KIF22: variants seen among roughly 807,000 people sequenced by gnomAD.
The protein encoded by KIF22 is kinesin-like protein KIF22.
KIF22 carries 62 observed loss-of-function variants against 73.0 expected under a neutral mutation model. The ratio of observed to expected loss-of-function variants is 0.85; its 90% CI spans 0.69 to 1.05. The LOEUF (loss-of-function observed/expected upper bound fraction) is 1.05. Ranked by LOEUF, KIF22 falls within the 50% of genes least tolerant of loss-of-function variation. KIF22 has a pLI of 0.00. For missense variants in KIF22, 854 were observed against 870.1 expected, an observed-to-expected ratio of 0.98 and a Z score of 0.23; for synonymous variants, 411 against 340.1, an observed-to-expected ratio of 1.21 and a Z score of -2.29.
rs1234163314 is a variant in KIF22 at position 29,798,711 on chromosome 16, T to C, written c.513T>C (p.Ser171=). The C allele has an allele frequency of 3.1e-6, 5 of 1,614,144 alleles. No individual in the cohort carries two copies. Among genetic ancestry groups the C allele is most frequent in the South Asian group, 2.2e-5 (2 of 91,084 alleles). The change falls in exon 4 of 14, where the codon TCT becomes TCC. Residue 171 remains serine, a synonymous_variant. Transcript: ENST00000160827. The surrounding 1 kb of genome is among the most constrained non-coding windows in gnomAD (Gnocchi z 4.1). ...EGAEGRPWAL[S]VTMSYLEIYQ... ...CCGAGGGCCGGCCATGGGCCCTTTC[T>C]GTCACCATGTCTTACCTAGAGATCT...
intron 8 of KIF22, among the ~76,000 whole-genome samples, chr16:29,802,081 A>G (rs769910463): frequency 6.6e-6 from 1 of 152,028 alleles, no homozygotes; most frequent in Non-Finnish European, 1.5e-5. Flanking sequence ...AGCCTGGGCA[A>G]CATAGTAAGA....
Position 29,797,156 on chromosome 16 carries a change from C to T in KIF22, c.266+68C>T. The T allele has an allele frequency of 3.3e-6, 4 of 1,205,226 alleles. No individual in the cohort carries two copies. The highest frequency in any genetic ancestry group is 4.7e-6 in the Non-Finnish European group (4 of 858,342). 74.7% of individuals were successfully genotyped at this position (1,205,226 alleles called of 1,614,324 possible). ...CTCTCCTAGGCCTGCCCACGTTCCCCTGCCTCCCCAGGATCCTTGCTCCCT... is the reference window on the plus strand; with the variant it reads ...CTCTCCTAGGCCTGCCCACGTTCCCTTGCCTCCCCAGGATCCTTGCTCCCT... On this transcript the variant is annotated intron_variant, in intron 2 of 13. Coordinates refer to ENST00000160827, the MANE Select transcript of KIF22 (RefSeq NM_007317.3). The surrounding 1 kb of genome is among the most constrained non-coding windows in gnomAD (Gnocchi z 4.1).
At chr16:29,804,185 A>G (rs567054057) in intron 11 of KIF22, 120 bp downstream of exon 11, 337 of 776,384 alleles carry the variant, frequency 4.3e-4, no homozygotes, top group Non-Finnish European at 6.9e-4. Flanking sequence ...CCAGCTACTA[A>G]CAGACCTCAA....
At chr16:29,802,426 G>C (rs1049469245) in intron 8 of KIF22, among the ~76,000 whole-genome samples, 4 of 152,092 alleles carry the variant, frequency 2.6e-5, no homozygotes, top group Non-Finnish European at 5.9e-5. Context: ...GGCATCCTCT[G>C]TGATGTTTTC....
chr16:29,798,408 C>G lies in KIF22; in HGVS notation c.301C>G (p.Gln101Glu), dbSNP rs1292506302. 1 of 1,599,742 alleles carries G rather than the reference C, an allele frequency of 6.3e-7. No individual in the cohort carries two copies. The highest frequency in any genetic ancestry group is 1.7e-5 in the Admixed American group (1 of 59,260). The change falls in exon 3 of 14, where the codon CAG becomes GAG. Residue 101 changes from glutamine to glutamate, a missense_variant. Coordinates refer to ENST00000160827, the MANE Select transcript of KIF22 (RefSeq NM_007317.3). The surrounding 1 kb of genome is among the most constrained non-coding windows in gnomAD (Gnocchi z 4.1). ...DAFYGERSTQ[Q>E]DIYAGSVQPI... The stretch of plus-strand genomic sequence containing the variant: ...CTTCTATGGGGAGAGGAGTACTCAG[C>G]AGGACATCTATGCAGGTTCAGTGCA...
intron 1 of KIF22, among the ~76,000 whole-genome samples, chr16:29,796,016 A>G (rs1898940195): frequency 6.6e-6 from 1 of 152,088 alleles, no homozygotes; most frequent in African/African-American, 2.4e-5. Flanking sequence ...CACACCTATA[A>G]TCCTAGCACT....
chr16:29,792,505 G>T, intron 1 of KIF22: 1 of 608,482 alleles, frequency 1.6e-6, no homozygotes. Context: ...CAGGTGTTGG[G>T]GTTAGAAAGG....
At chr16:29,791,418 AT>A in intron 1 of KIF22, 1 of 219,798 alleles carries the variant, frequency 4.5e-6, no homozygotes, top group Non-Finnish European at 7.7e-6. Flanking sequence ...AGTGAATGCT[AT>A]TTTAGGGTTG....
intron 1 of KIF22, among the ~76,000 whole-genome samples, chr16:29,796,296 C>A (rs1898949888): frequency 2.1e-5 from 3 of 145,808 alleles, no homozygotes; most frequent in South Asian, 4.4e-4. Flanking sequence ...CACACACACA[C>A]ACACACACAG....
In KIF22 at chr16:29,797,719, T is replaced by C. The variant is rs1040598495; in HGVS notation, c.266+631T>C. Among the ~76,000 whole-genome samples the C allele has an allele frequency of 2.0e-5, 3 of 152,200 alleles. No individual in the cohort carries two copies. Among genetic ancestry groups the C allele is most frequent in the Non-Finnish European group, 4.4e-5 (3 of 68,032 alleles). On this transcript the variant is annotated intron_variant, in intron 2 of 13. Coordinates refer to ENST00000160827, the MANE Select transcript of KIF22 (RefSeq NM_007317.3). This position sits in a 1 kb window ranked among gnomAD's most constrained non-coding sequence, Gnocchi z 4.1. ...AGCCTAAAATATGTACAATCTGCCTTTTTACAGAAGTTTGCTAGCTCCCAT... is the reference window on the plus strand; with the variant it reads ...AGCCTAAAATATGTACAATCTGCCTCTTTACAGAAGTTTGCTAGCTCCCAT...
At chr16:29,802,267 CAAAAAAAAAAAAAA>C (rs71389599) in intron 8 of KIF22, among the ~76,000 whole-genome samples, 2 of 33,914 alleles carry the variant, frequency 5.9e-5, no homozygotes, top group African/African-American at 1.2e-4. Context: ...GACCCTGTCT[CAAAAAAAAAAAAAA>C]AAAAAAAAAA....
rs920762611 is a variant in KIF22 at position 29,805,133 on chromosome 16, G to A, written c.1909G>A (p.Val637Met). The part of the protein sequence containing the change: ...PFSQVEDLER[V>M]EGITGKQMES... ...CCGCCAGGTGGAGGACCTGGAACGC[G>A]TGGAGGGCATAACGGGGAAACAGAT... is the stretch of plus-strand genomic sequence containing the variant. The change falls in exon 13 of 14, where the codon GTG becomes ATG. Residue 637 changes from valine (V) to methionine (M), a missense_variant. Val to Met is a conservative substitution (Grantham distance 21). This residue lies in a region of KIF22 where 423 missense variants were observed against 365.4 expected (regional missense o/e 1.16). Coordinates refer to ENST00000160827, the MANE Select transcript of KIF22 (RefSeq NM_007317.3). 4 of 1,613,904 alleles carry A rather than the reference G, an allele frequency of 2.5e-6. No homozygotes were observed. In the South Asian group the frequency reaches 4.4e-5, roughly 18 times the overall value.
At chr16:29,802,309 C>T (rs969992320) in intron 8 of KIF22, among the ~76,000 whole-genome samples, 6 of 151,090 alleles carry the variant, frequency 4.0e-5, no homozygotes, top group Non-Finnish European at 4.4e-5. Context: ...TAAGCCTTAC[C>T]GTGCTCAGAG....
Position 29,797,354 on chromosome 16 carries a change from A to G in KIF22, c.266+266A>G, listed in dbSNP as rs920714314. Among the ~76,000 whole-genome samples, 2 of 152,140 alleles carry G rather than the reference A, an allele frequency of 1.3e-5. No individual in the cohort carries two copies. The highest frequency in any genetic ancestry group is 2.9e-5 in the Non-Finnish European group (2 of 68,024). ...AATGAGGGTGAGCAGGTGAGCCCCA[A>G]GTAGAGGCTGGGGGACATATCAGGA... On this transcript the variant is annotated intron_variant, in intron 2 of 13. Transcript: ENST00000160827. This position sits in a 1 kb window ranked among gnomAD's most constrained non-coding sequence, Gnocchi z 4.1.
At chr16:29,791,146 C>T (rs1596839662) in intron 1 of KIF22, 2 of 1,277,956 alleles carry the variant, frequency 1.6e-6, no homozygotes, top group Admixed American at 3.9e-5. Context: ...TGGCCTCATC[C>T]CTGGAGATCA....
In KIF22 at chr16:29,798,374, G is replaced by A. The variant is rs757202442; in HGVS notation, c.267G>A (p.Gln89=). 1 of 1,419,872 alleles carries A rather than the reference G, an allele frequency of 7.0e-7. No homozygotes were observed. The highest frequency in any genetic ancestry group is 9.4e-7 in the Non-Finnish European group (1 of 1,061,216). The allele number at this position is 1,419,872 out of a possible 1,614,324, so 88.0% of individuals were successfully genotyped here. Residue 89 remains glutamine, a splice_region_variant and synonymous_variant, in exon 3 of 14, where the codon CAG becomes CAA. Coordinates refer to ENST00000160827, the MANE Select transcript of KIF22 (RefSeq NM_007317.3). This position sits in a 1 kb window ranked among gnomAD's most constrained non-coding sequence, Gnocchi z 4.1. ...WRNHQETLKY[Q]FDAFYGERST... is the part of the protein sequence containing the mutation. ...CTAATTTCTTTCTTTCTTCCTGCAGGTTTGATGCCTTCTATGGGGAGAGGA... is the reference window on the plus strand; with the variant it reads ...CTAATTTCTTTCTTTCTTCCTGCAGATTTGATGCCTTCTATGGGGAGAGGA...
chr16:29,790,983 G>A, intron 1 of KIF22, 154 bp downstream of exon 1: 1 of 1,464,700 alleles, frequency 6.8e-7, no homozygotes, highest in Non-Finnish European at 9.1e-7. Context: ...GTGGGGTCGC[G>A]AGCCGGTCGC....
intron 11 of KIF22, chr16:29,804,308 T>A: frequency 1.7e-6 from 1 of 604,848 alleles, no homozygotes; most frequent in East Asian, 2.7e-5. Flanking sequence ...TAGCCTGGCT[T>A]CTACCCTCTA....
Position 29,798,239 on chromosome 16 carries a change from T to C in KIF22, c.267-135T>C. On this transcript the variant is annotated intron_variant, in intron 2 of 13. Transcript: ENST00000160827. The surrounding 1 kb of genome is among the most constrained non-coding windows in gnomAD (Gnocchi z 4.1). ...TAAGGTCTTTGTACAAGAAAGGGGA[T>C]AGAGACGTTCTCTTAAATCCAAGGT... 1 of 1,461,834 alleles carries C rather than the reference T, an allele frequency of 6.8e-7. No homozygotes were observed. Among genetic ancestry groups the C allele is most frequent in the South Asian group, 1.4e-5 (1 of 72,162 alleles). 90.6% of individuals were successfully genotyped at this position (1,461,834 alleles called of 1,614,324 possible).
Sources: gnomAD v4.1 joint callset for allele counts (sites outside exome capture counted in the v4.1 genomes callset) on GRCh38, gnomAD v4.1.1 for gene constraint, gnomAD v4.1.1 regional missense constraint, Gnocchi (gnomAD v3.1) non-coding constraint, MANE v1.5 for transcripts, NCBI Gene and HGNC (gene_info 2026-07-23, HGNC 2026-07-21) for gene names.